ASB9: variants seen among roughly 807,000 people sequenced by gnomAD.
The protein encoded by ASB9 is ankyrin repeat and SOCS box containing 9.
ASB9 carries 5 observed loss-of-function variants against 16.6 expected under a neutral mutation model. The ratio of observed to expected loss-of-function variants is 0.30; its 90% CI spans 0.16 to 0.63. ASB9 has a LOEUF of 0.63. Among genes scored for constraint, ASB9 ranks in the 30% least tolerant of loss-of-function variants. The probability of loss-of-function intolerance (pLI) is 0.82; values close to 1 mark genes in which losing one functional copy is unlikely to be tolerated. For synonymous variants in ASB9, 100 were observed against 86.4 expected (o/e 1.16, Z -0.87); for missense variants, 216 against 229.4 (o/e 0.94, Z 0.38).
At chrX:15,246,632 C>T (rs1924690719) in intron 6 of ASB9, among the ~76,000 whole-genome samples, 3 of 111,135 alleles carry the variant, frequency 2.7e-5, no homozygotes, top group Admixed American at 9.5e-5. Flanking sequence ...CCTGCCACCA[C>T]GCCCGGCTAA....
chrX:15,247,473 C>T (rs1183147982), intron 6 of ASB9, among the ~76,000 whole-genome samples: 3 of 111,877 alleles, frequency 2.7e-5, no homozygotes, highest in African/African-American at 6.5e-5. Flanking sequence ...CCTACATTAA[C>T]GTATGCCCTA....
intron 1 of ASB9, 71 bp downstream of exon 1, chrX:15,269,710 T>A: frequency 1.1e-6 from 1 of 938,509 alleles, no homozygotes; most frequent in Middle Eastern, 2.8e-4. Context: ...CCACTGAAAC[T>A]GCCCAACCCT....
At chrX:15,262,053 T>C (rs1161039717) in intron 1 of ASB9, among the ~76,000 whole-genome samples, 2 of 111,700 alleles carry the variant, frequency 1.8e-5, no homozygotes, top group Non-Finnish European at 3.8e-5. Context: ...TGTGGTACTT[T>C]GCAACTGGCT....
chrX:15,252,138 TGGGA>T, intron 4 of ASB9, 112 bp downstream of exon 4: 1 of 846,401 alleles, frequency 1.2e-6, no homozygotes, highest in Non-Finnish European at 1.6e-6. Flanking sequence ...CTTCCAGTCC[TGGGA>T]CTCCATTTTG....
intron 6 of ASB9, among the ~76,000 whole-genome samples, chrX:15,247,612 T>TA (rs1219574461): frequency 8.0e-5 from 9 of 112,935 alleles, no homozygotes; most frequent in African/African-American, 2.9e-4. Flanking sequence ...GTTCTATTCA[T>TA]TTTTTATTCT....
chrX:15,267,766 A>G (rs1206748696), intron 1 of ASB9, among the ~76,000 whole-genome samples: 2 of 105,226 alleles, frequency 1.9e-5, no homozygotes, highest in Non-Finnish European at 3.9e-5. Context: ...AAAAAAAAAA[A>G]AAAAAGAAAT....
At chrX:15,268,459 C>T (rs1178014471) in intron 1 of ASB9, among the ~76,000 whole-genome samples, 1 of 101,082 alleles carries the variant, frequency 9.9e-6, no homozygotes, top group Non-Finnish European at 2.0e-5. Flanking sequence ...CGGAGTCTCA[C>T]TCTGTCGCCA....
In ASB9 at chrX:15,248,739, A is replaced by G; in HGVS notation, c.760+5T>C. On this transcript the variant is annotated splice_donor_5th_base_variant and intron_variant, in intron 6 of 6. Transcript: ENST00000380488. Reference sequence around the variant, plus strand: ...ATTAGGGCTTAGGTTTTGGCAAAGAAGCACCTTCTCTCTCCAAGAAGAGCT... The same window carrying G: ...ATTAGGGCTTAGGTTTTGGCAAAGAGGCACCTTCTCTCTCCAAGAAGAGCT... 2.5e-6 allele frequency: 3 copies of G among 1,201,008 alleles called. No homozygotes were observed. Among genetic ancestry groups the G allele is most frequent in the Non-Finnish European group, 3.4e-6 (3 of 889,098 alleles).
chrX:15,250,407 T>C (rs368539068), intron 5 of ASB9, 23 bp downstream of exon 5: 6 of 1,192,960 alleles, frequency 5.0e-6, no homozygotes, highest in Non-Finnish European at 6.8e-6. Context: ...TCTTTTCTTG[T>C]TTTGGTTTGC....
chrX:15,262,274 A>C (rs114145197), intron 1 of ASB9, among the ~76,000 whole-genome samples: 1,542 of 111,713 alleles, frequency 0.014, 25 homozygotes, highest in African/African-American at 0.047. Flanking sequence ...CAAGTTTTTG[A>C]GCAGATATAT....
intron 3 of ASB9, among the ~76,000 whole-genome samples, chrX:15,252,701 C>T (rs1296606583): frequency 8.9e-6 from 1 of 112,182 alleles, no homozygotes; most frequent in African/African-American, 3.2e-5. Flanking sequence ...CTATTTTAAA[C>T]TTCTTTCCTA....
At chrX:15,265,781 C>T (rs12687599) in intron 1 of ASB9, among the ~76,000 whole-genome samples, 2 of 107,620 alleles carry the variant, frequency 1.9e-5, no homozygotes, top group African/African-American at 6.8e-5. Flanking sequence ...GGACTACAGG[C>T]ATGTGCCAAC....
chrX:15,248,187 A>ACCACAAT (rs1924822749), intron 6 of ASB9, among the ~76,000 whole-genome samples: 1 of 112,066 alleles, frequency 8.9e-6, no homozygotes, highest in Non-Finnish European at 1.9e-5. Context: ...ACACTGCTCA[A>ACCACAAT]CCACAATATT....
chrX:15,249,373 T>C (rs896341260), intron 5 of ASB9, among the ~76,000 whole-genome samples: 50 of 112,396 alleles, frequency 4.4e-4, no homozygotes, highest in African/African-American at 1.5e-3. Context: ...CACTTGGGAC[T>C]GGTGATTTGG....
intron 1 of ASB9, among the ~76,000 whole-genome samples, chrX:15,266,822 G>C (rs1926442976): frequency 9.2e-6 from 1 of 109,140 alleles, no homozygotes; most frequent in African/African-American, 3.4e-5. Flanking sequence ...TGTAGTCCCA[G>C]CTACTCAGGA....
intron 6 of ASB9, among the ~76,000 whole-genome samples, chrX:15,248,334 C>T (rs778115910): frequency 2.7e-5 from 3 of 112,219 alleles, no homozygotes; most frequent in Non-Finnish European, 3.8e-5. Context: ...AGCCCAGAAA[C>T]GAAGTGTCCA....
At chrX:15,267,493 C>T (rs1926593380) in intron 1 of ASB9, among the ~76,000 whole-genome samples, 1 of 88,907 alleles carries the variant, frequency 1.1e-5, no homozygotes. Flanking sequence ...GCCTGTAATC[C>T]CAGCACTTTG....
At chrX:15,268,673 C>G (rs942422584) in intron 1 of ASB9, among the ~76,000 whole-genome samples, 27 of 107,438 alleles carry the variant, frequency 2.5e-4, no homozygotes, top group Non-Finnish European at 4.8e-4. Flanking sequence ...CCGCCTCGGC[C>G]TCCGAAAGTA....
At chrX:15,258,748 G>T in intron 2 of ASB9, 118 bp downstream of exon 2, 2 of 520,104 alleles carry the variant, frequency 3.8e-6, no homozygotes, top group Middle Eastern at 4.8e-4. Context: ...GTAGTTACTA[G>T]AATCACCACT....
Sources: gnomAD v4.1 joint callset for allele counts (sites outside exome capture counted in the v4.1 genomes callset) on GRCh38, gnomAD v4.1.1 for gene constraint, MANE v1.5 for transcripts, NCBI Gene and HGNC (gene_info 2026-07-23, HGNC 2026-07-21) for gene names.